Variants in CDH18 observed in about 807,000 individuals in gnomAD.
The protein encoded by CDH18 is cadherin-18.
In CDH18, 31 loss-of-function variants were observed where a neutral mutation model predicts 67.9. The ratio of observed to expected loss-of-function variants is 0.46; its 90% CI spans 0.34 to 0.62. The LOEUF (loss-of-function observed/expected upper bound fraction) is 0.62. CDH18 is among the 20% of genes least tolerant of loss of function. CDH18 has a pLI of 0.01. For synonymous variants in CDH18, 362 were observed against 347.2 expected, an observed-to-expected ratio of 1.04 and a Z score of -0.48; for missense variants, 890 against 975.5, an observed-to-expected ratio of 0.91 and a Z score of 1.17.
At chr5:20,542,092 T>A (rs536659668) in intron 1 of CDH18, among the ~76,000 whole-genome samples, 48 of 152,194 alleles carry the variant, frequency 3.2e-4, no homozygotes, top group Non-Finnish European at 4.9e-4. Context: ...ACTACAGGCA[T>A]GCACCACCAC....
At chr5:19,725,885 A>G (rs927566843) in intron 4 of CDH18, among the ~76,000 whole-genome samples, 4 of 152,236 alleles carry the variant, frequency 2.6e-5, no homozygotes, top group Non-Finnish European at 5.9e-5. Context: ...ACAGTAGAAT[A>G]AGGACCATTA....
intron 7 of CDH18, among the ~76,000 whole-genome samples, chr5:19,577,143 T>C (rs1009174526): frequency 5.3e-5 from 8 of 152,094 alleles, no homozygotes; most frequent in African/African-American, 1.4e-4. Flanking sequence ...ATGTTACAGT[T>C]AGGTAGGAGG....
chr5:19,877,571 CTT>C (rs1787167862), intron 2 of CDH18, among the ~76,000 whole-genome samples: 1 of 152,158 alleles, frequency 6.6e-6, no homozygotes, highest in Admixed American at 6.6e-5. Flanking sequence ...TTTTTATTGA[CTT>C]ATTCAAAGCT....
intron 1 of CDH18, among the ~76,000 whole-genome samples, chr5:20,483,637 T>C (rs1752971563): frequency 6.7e-6 from 1 of 149,048 alleles, no homozygotes; most frequent in Admixed American, 6.6e-5. Context: ...AGTGAACTGA[T>C]TTTCAAGAAA....
intron 1 of CDH18, among the ~76,000 whole-genome samples, chr5:20,501,859 CAGG>C (rs1754354766): frequency 6.7e-6 from 1 of 148,354 alleles, no homozygotes; most frequent in East Asian, 2.0e-4. Flanking sequence ...CTCAGTCCAT[CAGG>C]AGATTGAAGT....
chr5:20,312,340 A>T (rs962173477), intron 1 of CDH18, among the ~76,000 whole-genome samples: 3 of 152,156 alleles, frequency 2.0e-5, no homozygotes, highest in Non-Finnish European at 4.4e-5. Context: ...AATTAATTAA[A>T]TGAGCAAGAT....
intron 2 of CDH18, among the ~76,000 whole-genome samples, chr5:19,930,721 T>C (rs920867159): frequency 6.6e-6 from 1 of 151,984 alleles, no homozygotes; most frequent in African/African-American, 2.4e-5. Context: ...TGAAAACGAA[T>C]CATAAACTCT....
Position 19,683,692 on chromosome 5 carries a change from C to T in CDH18, c.643+37655G>A, listed in dbSNP as rs141544501. 1.3e-4 allele frequency among the ~76,000 whole-genome samples: 20 copies of T among 152,178 alleles called. No homozygotes were observed. In the East Asian group the frequency reaches 3.9e-3, roughly 29 times the overall value. Reference sequence around the variant, plus strand: ...TAAAATTATTTGATATGTTTGGAAACTTTGAATTCATCTGGCTTCATCTTT... The same window carrying T: ...TAAAATTATTTGATATGTTTGGAAATTTTGAATTCATCTGGCTTCATCTTT... On this transcript the variant is annotated intron_variant, in intron 5 of 12. Transcript: ENST00000382275.
chr5:19,957,866 T>C (rs1210621776), intron 2 of CDH18, among the ~76,000 whole-genome samples: 2 of 152,082 alleles, frequency 1.3e-5, no homozygotes, highest in Non-Finnish European at 2.9e-5. Context: ...TAAACAGCTA[T>C]TTTCTACAAA....
intron 2 of CDH18, among the ~76,000 whole-genome samples, chr5:19,939,059 T>C (rs893517759): frequency 2.0e-5 from 3 of 151,262 alleles, no homozygotes; most frequent in African/African-American, 7.2e-5. Context: ...ACTGAATTTA[T>C]ATACCAAGAA....
At chr5:20,280,268 T>C (rs896519686) in intron 1 of CDH18, among the ~76,000 whole-genome samples, 1 of 152,156 alleles carries the variant, frequency 6.6e-6, no homozygotes, top group Non-Finnish European at 1.5e-5. Flanking sequence ...TGCAGGTCTG[T>C]TACATATGTA....
chr5:19,837,152 C>T (rs917159407), intron 3 of CDH18, among the ~76,000 whole-genome samples: 2 of 152,108 alleles, frequency 1.3e-5, no homozygotes, highest in African/African-American at 4.8e-5. Flanking sequence ...AGCAAACTAA[C>T]ACAGAAACAG....
chr5:19,845,187 T>A (rs1336849498), intron 2 of CDH18, among the ~76,000 whole-genome samples: 1 of 151,614 alleles, frequency 6.6e-6, no homozygotes, highest in Non-Finnish European at 1.5e-5. Context: ...TAAAAAAAAA[T>A]AACAAATAAA....
chr5:20,571,798 C>T (rs1758836681), intron 1 of CDH18, among the ~76,000 whole-genome samples: 1 of 152,086 alleles, frequency 6.6e-6, no homozygotes, highest in African/African-American at 2.4e-5. Flanking sequence ...CTCCTTTTCT[C>T]TCACTTCTCA....
chr5:19,727,457 A>G (rs1439193891), intron 4 of CDH18, among the ~76,000 whole-genome samples: 1 of 152,212 alleles, frequency 6.6e-6, no homozygotes, highest in East Asian at 1.9e-4. Context: ...TCAGCGAACC[A>G]CTAGATGCTA....
chr5:19,887,164 T>G (rs557912743), intron 2 of CDH18, among the ~76,000 whole-genome samples: 50 of 151,642 alleles, frequency 3.3e-4, no homozygotes, highest in African/African-American at 7.0e-4. Context: ...TTTGTTTTTT[T>G]TTTTTGCTAC....
chr5:19,515,704 T>A (rs1745869576), intron 10 of CDH18, among the ~76,000 whole-genome samples: 2 of 152,232 alleles, frequency 1.3e-5, no homozygotes, highest in African/African-American at 4.8e-5. Flanking sequence ...TGATTTTGTA[T>A]CCTGAGACTT....
At chr5:19,860,089 A>G (rs1784733760) in intron 2 of CDH18, among the ~76,000 whole-genome samples, 1 of 151,554 alleles carries the variant, frequency 6.6e-6, no homozygotes, top group Non-Finnish European at 1.5e-5. Flanking sequence ...CCTAACTGGA[A>G]CTTTATAGCA....
chr5:20,227,300 G>A (rs928574966), intron 2 of CDH18, among the ~76,000 whole-genome samples: 3 of 151,992 alleles, frequency 2.0e-5, no homozygotes, highest in Non-Finnish European at 4.4e-5. Context: ...CCACATTTTT[G>A]CTGGGATATT....
Sources: gnomAD v4.1 joint callset for allele counts (sites outside exome capture counted in the v4.1 genomes callset) on GRCh38, gnomAD v4.1.1 for gene constraint, MANE v1.5 for transcripts, NCBI Gene and HGNC (gene_info 2026-07-23, HGNC 2026-07-21) for gene names.